NPAS3: variants seen among roughly 807,000 people sequenced by gnomAD.
The protein encoded by NPAS3 is neuronal PAS domain-containing protein 3.
Under a neutral mutation model 73.1 loss-of-function variants are expected in NPAS3, and 14 were observed. The observed-to-expected ratio is 0.19, with a 90% CI of 0.13 to 0.30. The LOEUF is 0.30. Ranked by LOEUF, NPAS3 falls within the 10% of genes least tolerant of loss-of-function variation. NPAS3 has a pLI of 1.00. For synonymous variants in NPAS3, 620 were observed against 541.5 expected (o/e 1.14, Z -2.01); for missense variants, 1,096 against 1,250.0 (o/e 0.88, Z 1.86).
At chr14:33,557,657 A>G (rs182821417) in intron 4 of NPAS3, among the ~76,000 whole-genome samples, 4 of 152,334 alleles carry the variant, frequency 2.6e-5, no homozygotes, top group Admixed American at 1.3e-4. Context: ...CTAATCCTCA[A>G]TTTCCTTGTA....
At chr14:33,240,991 T>C (rs762357939) in intron 3 of NPAS3, among the ~76,000 whole-genome samples, 7 of 151,946 alleles carry the variant, frequency 4.6e-5, no homozygotes, top group Non-Finnish European at 8.8e-5. Flanking sequence ...GTTAAATAAG[T>C]CTTAGCATGA....
intron 1 of NPAS3, among the ~76,000 whole-genome samples, chr14:32,998,888 C>T (rs1206302618): frequency 6.6e-6 from 1 of 152,164 alleles, no homozygotes; most frequent in Non-Finnish European, 1.5e-5. Context: ...CCTCCCGTTG[C>T]TCACCCTTGC....
intron 7 of NPAS3, among the ~76,000 whole-genome samples, chr14:33,764,688 G>A (rs2148334): frequency 0.27 from 40,498 of 152,170 alleles, 5,695 homozygotes; most frequent in East Asian, 0.5. Context: ...TAAGCCATGA[G>A]GGGCCTCAGG....
chr14:33,196,813 G>C (rs1292932925), intron 2 of NPAS3, among the ~76,000 whole-genome samples: 1 of 152,128 alleles, frequency 6.6e-6, no homozygotes, highest in East Asian at 1.9e-4. Flanking sequence ...TTTGTTAAAT[G>C]AGTCAAATGT....
At chr14:33,059,786 A>G (rs980941959) in intron 2 of NPAS3, among the ~76,000 whole-genome samples, 1 of 152,228 alleles carries the variant, frequency 6.6e-6, no homozygotes, top group African/African-American at 2.4e-5. Flanking sequence ...CACCCCTTCC[A>G]TACTAACTAT....
chr14:33,147,906 T>C (rs1015009579), intron 2 of NPAS3, among the ~76,000 whole-genome samples: 2 of 152,008 alleles, frequency 1.3e-5, no homozygotes, highest in Non-Finnish European at 1.5e-5. Context: ...TTCAGTATTT[T>C]CATATTGAAA....
intron 4 of NPAS3, among the ~76,000 whole-genome samples, chr14:33,398,959 T>C (rs988932439): frequency 1.3e-5 from 2 of 152,164 alleles, no homozygotes; most frequent in African/African-American, 4.8e-5. Context: ...TTACAAGCCT[T>C]TCACACTTTC....
At chr14:33,591,919 T>C (rs1315264806) in intron 5 of NPAS3, among the ~76,000 whole-genome samples, 4 of 152,142 alleles carry the variant, frequency 2.6e-5, no homozygotes, top group African/African-American at 9.7e-5. Context: ...ACCATGTGCA[T>C]CTTGAGAATC....
intron 5 of NPAS3, among the ~76,000 whole-genome samples, chr14:33,573,640 C>G (rs2056320608): frequency 6.6e-6 from 1 of 152,140 alleles, no homozygotes; most frequent in African/African-American, 2.4e-5. Context: ...AGAGATGAGT[C>G]TGGAAAGTTA....
At chr14:33,535,028 C>A (rs1032671822) in intron 4 of NPAS3, among the ~76,000 whole-genome samples, 2 of 152,146 alleles carry the variant, frequency 1.3e-5, no homozygotes, top group African/African-American at 4.8e-5. Context: ...TCAGAGGATT[C>A]AATGAAAGAT....
chr14:33,695,265 A>G (rs17408765), intron 6 of NPAS3, among the ~76,000 whole-genome samples: 26,907 of 152,200 alleles, frequency 0.18, 2,475 homozygotes, highest in African/African-American at 0.2. Context: ...CTACCATATG[A>G]GAGACTCTGA....
intron 1 of NPAS3, among the ~76,000 whole-genome samples, chr14:33,051,137 G>A (rs1203092420): frequency 4.0e-5 from 6 of 151,440 alleles, no homozygotes; most frequent in South Asian, 4.2e-4. Context: ...AGCCGGGCGC[G>A]GTGGCGGGCG....
In NPAS3 at chr14:32,952,188, C is replaced by T. The variant is rs564978101; in HGVS notation, c.50+12822C>T. ...TCTTGTCAGTAATAATTGAATATAC[C>T]GCTGATAAAATATTGTTCCCCAAAG... is the stretch of plus-strand genomic sequence containing the variant. On this transcript the variant is annotated intron_variant, in intron 1 of 11. Coordinates refer to ENST00000356141, the Ensembl canonical transcript of NPAS3. Among the ~76,000 whole-genome samples, 9 of 151,754 alleles carry T rather than the reference C, an allele frequency of 5.9e-5. No individual in the cohort carries two copies. In the East Asian group the frequency reaches 1.2e-3, roughly 20 times the overall value.
chr14:33,372,590 C>G (rs1226034657), intron 4 of NPAS3, among the ~76,000 whole-genome samples: 1 of 152,126 alleles, frequency 6.6e-6, no homozygotes, highest in Non-Finnish European at 1.5e-5. Context: ...TGACTGTGAC[C>G]AATATTATAG....
intron 3 of NPAS3, among the ~76,000 whole-genome samples, chr14:33,238,555 T>G (rs1448809358): frequency 6.6e-6 from 1 of 151,982 alleles, no homozygotes; most frequent in Non-Finnish European, 1.5e-5. Flanking sequence ...AATGACCTAG[T>G]ATAATGTTTT....
At chr14:33,005,027 T>C in intron 1 of NPAS3, among the ~76,000 whole-genome samples, 1 of 152,040 alleles carries the variant, frequency 6.6e-6, no homozygotes, top group African/African-American at 2.4e-5. Context: ...GGATACCTCC[T>C]GAAGAATCTG....
intron 2 of NPAS3, among the ~76,000 whole-genome samples, chr14:33,128,166 G>C (rs2043499354): frequency 6.6e-6 from 1 of 152,144 alleles, no homozygotes; most frequent in Non-Finnish European, 1.5e-5. Flanking sequence ...AATCCCAGTG[G>C]TACTGTTTTT....
At chr14:32,941,942 A>G (rs919864319) in intron 1 of NPAS3, among the ~76,000 whole-genome samples, 4 of 152,194 alleles carry the variant, frequency 2.6e-5, no homozygotes, top group Non-Finnish European at 5.9e-5. Flanking sequence ...TTACACATGT[A>G]AGTTGATTTG....
upstream of NPAS3, among the ~76,000 whole-genome samples, chr14:32,936,673 A>T (rs1303292067): frequency 2.0e-5 from 3 of 152,280 alleles, no homozygotes; most frequent in Admixed American, 6.5e-5. Context: ...ACTTGAGCTA[A>T]CTTATACCAT....
Sources: gnomAD v4.1 joint callset for allele counts (sites outside exome capture counted in the v4.1 genomes callset) on GRCh38, gnomAD v4.1.1 for gene constraint, MANE v1.5 for transcripts, NCBI Gene and HGNC (gene_info 2026-07-23, HGNC 2026-07-21) for gene names.